The following SLC27A1 variants were observed in gnomAD, a reference collection of about 807,000 sequenced individuals.
SLC27A1 encodes solute carrier family 27 member 1.
Under a neutral mutation model 62.2 loss-of-function variants are expected in SLC27A1, and 61 were observed. That is an observed-to-expected ratio of 0.98 (90% CI 0.80 to 1.21). The LOEUF is 1.21. SLC27A1 is among the 50% of genes most tolerant of loss of function. SLC27A1 has a pLI of 0.00. For synonymous variants in SLC27A1, 435 were observed against 408.6 expected (o/e 1.06, Z -0.78); for missense variants, 903 against 932.1 (o/e 0.97, Z 0.41).
At chr19:17,501,610 C>T (rs993085238) in intron 11 of SLC27A1, among the ~76,000 whole-genome samples, 191 bp downstream of exon 11, 9 of 151,722 alleles carry the variant, frequency 5.9e-5, no homozygotes, top group African/African-American at 1.9e-4. Context: ...GAGAGCATCC[C>T]GGCTAACACA....
chr19:17,504,998 A>C lies in SLC27A1; in HGVS notation c.*386A>C. The C allele has an allele frequency of 1.1e-5, 4 of 378,232 alleles. No individual in the cohort carries two copies. The highest frequency in any genetic ancestry group is 1.6e-5 in the Non-Finnish European group (3 of 192,900). 23.4% of individuals were successfully genotyped at this position (378,232 alleles called of 1,614,324 possible). A position where few individuals can be genotyped will look rare whatever the true frequency, so the allele number is the denominator to read the frequency against. ...ACCTCTGCCTCCTGGGGTTCAAGTGATCCTCCCACCTCAGCCTCCTGAGTA... is the reference window on the plus strand; with the variant it reads ...ACCTCTGCCTCCTGGGGTTCAAGTGCTCCTCCCACCTCAGCCTCCTGAGTA... On this transcript the variant is annotated 3_prime_UTR_variant, in exon 12 of 12. Transcript: ENST00000252595.
Position 17,504,569 on chromosome 19 carries a change from A to C in SLC27A1, c.1898A>C (p.Glu633Ala). Residue 633 changes from glutamate (E) to alanine (A), a missense_variant, in exon 12 of 12, where the codon GAG becomes GCG. Physicochemically the swap from Glu to Ala is moderately radical, Grantham distance 107. Coordinates refer to ENST00000252595, the MANE Select transcript of SLC27A1 (RefSeq NM_198580.3). ...CAGGGCCACTACCTGCCCTTAAATG[A>C]GGCAGTCTACACTCGCATCTGCTCG... ...LKQGHYLPLN[E>A]AVYTRICSGA... The C allele has an allele frequency of 1.9e-6, 3 of 1,614,098 alleles. No homozygotes were observed. The highest frequency in any genetic ancestry group is 2.5e-6 in the Non-Finnish European group (3 of 1,180,020).
Position 17,471,782 on chromosome 19 carries a change from GC to G in SLC27A1, c.167+1080del, listed in dbSNP as rs564017285. On this transcript the variant is annotated intron_variant, in intron 1 of 11. Coordinates refer to ENST00000252595, the MANE Select transcript of SLC27A1 (RefSeq NM_198580.3). ...CCCCTTCTGCATGCCATGGCCCCCT[GC>G]CCCCGGCTCCTTGGTTGTTCTGATG... 6.6e-5 allele frequency among the ~76,000 whole-genome samples: 10 copies of G among 152,224 alleles called. No individual in the cohort carries two copies. In the East Asian group the frequency reaches 1.9e-3, roughly 29 times the overall value.
intron 11 of SLC27A1, among the ~76,000 whole-genome samples, chr19:17,504,052 T>C (rs1184258342): frequency 1.3e-5 from 2 of 151,546 alleles, no homozygotes; most frequent in Non-Finnish European, 2.9e-5. Flanking sequence ...CCCAAAGTAC[T>C]GAGATTATAG....
chr19:17,491,838 T>A (rs2075296773), intron 6 of SLC27A1, among the ~76,000 whole-genome samples: 1 of 151,864 alleles, frequency 6.6e-6, no homozygotes, highest in Non-Finnish European at 1.5e-5. Context: ...TGTGCCAGTG[T>A]ACTCTAGCCT....
At chr19:17,488,628 T>G in intron 4 of SLC27A1, 1 of 593,586 alleles carries the variant, frequency 1.7e-6, no homozygotes, top group African/African-American at 1.9e-5. Flanking sequence ...CCTGGCTGCA[T>G]TACCATCAGC....
intron 7 of SLC27A1, chr19:17,497,695 A>G (rs2075365811): frequency 3.4e-6 from 2 of 587,924 alleles, no homozygotes; most frequent in African/African-American, 1.9e-5. Flanking sequence ...TTGGGTCAGG[A>G]GAGTTGGAGG....
At chr19:17,470,442 G>C (rs994196417), upstream of SLC27A1, 30 of 1,328,760 alleles carry the variant, frequency 2.3e-5, no homozygotes, top group African/African-American at 4.5e-4. Flanking sequence ...AGGCCTGGGG[G>C]CGCGGCTCGC....
chr19:17,494,580 G>A (rs1254816087), intron 6 of SLC27A1, among the ~76,000 whole-genome samples: 1 of 151,928 alleles, frequency 6.6e-6, no homozygotes, highest in Non-Finnish European at 1.5e-5. Context: ...ACCCACCTTG[G>A]CCTCCGAAAG....
At position 17,477,251 on chromosome 19, in the gene SLC27A1, T is replaced by G. The variant is rs1175395043; in HGVS notation, c.167+6544T>G. On this transcript the variant is annotated intron_variant, in intron 1 of 11. Transcript: ENST00000252595. ...ATGGATGAGCAGCGCTTTTTTTTTT[T>G]TTTTTTTTTTTTTGAGACTGAATCT... Among the ~76,000 whole-genome samples the G allele has an allele frequency of 3.4e-4, 46 of 133,986 alleles. 2 individuals are homozygous for G. In the East Asian group the frequency reaches 9.1e-3, roughly 27 times the overall value. The allele number at this position is 133,986 out of a possible 152,430, so 87.9% of individuals were successfully genotyped here.
At chr19:17,482,128 C>G (rs1213024296) in intron 1 of SLC27A1, among the ~76,000 whole-genome samples, 1 of 152,190 alleles carries the variant, frequency 6.6e-6, no homozygotes, top group African/African-American at 2.4e-5. Context: ...CTCTCTGGTA[C>G]TAGAATGTAA....
At position 17,504,546 on chromosome 19, in the gene SLC27A1, G is replaced by A. The variant is rs1250851119; in HGVS notation, c.1875G>A (p.Gln625=). 6.2e-7 allele frequency: 1 copy of A among 1,614,076 alleles called. No individual in the cohort carries two copies. The highest frequency in any genetic ancestry group is 1.7e-5 in the Admixed American group (1 of 59,988). Residue 625 remains glutamine, a synonymous_variant, in exon 12 of 12, where the codon CAG becomes CAA. Transcript: ENST00000252595. ...SDRLFFLDLK[Q]GHYLPLNEAV... ...GGCTCTTCTTCCTGGACCTGAAGCA[G>A]GGCCACTACCTGCCCTTAAATGAGG... is the stretch of plus-strand genomic sequence containing the variant.
intron 11 of SLC27A1, among the ~76,000 whole-genome samples, chr19:17,502,232 C>T (rs181377303): frequency 6.6e-6 from 1 of 152,058 alleles, no homozygotes; most frequent in Admixed American, 6.6e-5. Flanking sequence ...GGCTCACAGC[C>T]AGCTAGCACT....
chr19:17,473,315 G>T (rs1481586017), intron 1 of SLC27A1, among the ~76,000 whole-genome samples: 1 of 152,204 alleles, frequency 6.6e-6, no homozygotes, highest in African/African-American at 2.4e-5. Flanking sequence ...GTCATCGATC[G>T]AGATTTCACC....
At chr19:17,473,246 C>T (rs1264679055) in intron 1 of SLC27A1, among the ~76,000 whole-genome samples, 8 of 152,178 alleles carry the variant, frequency 5.3e-5, no homozygotes, top group Non-Finnish European at 1.0e-4. Context: ...ATATTGTCTA[C>T]TTGACTTTCA....
chr19:17,481,988 C>A (rs12983319), intron 1 of SLC27A1, among the ~76,000 whole-genome samples: 41,787 of 151,922 alleles, frequency 0.28, 7,226 homozygotes, highest in Non-Finnish European at 0.39. Flanking sequence ...GGTGGCTGCT[C>A]TCTCCCTAGG....
upstream of SLC27A1, chr19:17,470,430 C>G (rs1599633919): frequency 7.8e-7 from 1 of 1,276,940 alleles, no homozygotes; most frequent in Non-Finnish European, 1.0e-6. Context: ...GGCGCAGAGC[C>G]GAGGCCTGGG....
Position 17,500,820 on chromosome 19 carries a change from T to A in SLC27A1, c.1580T>A (p.Val527Glu), listed in dbSNP as rs1225641387. ...ENVSTTEVEG[V>E]LSRLLGQTDV... ...GTCTCCACCACCGAGGTGGAGGGCGTGCTGAGCCGCCTGCTGGGCCAGACA... is the reference window on the plus strand; with the variant it reads ...GTCTCCACCACCGAGGTGGAGGGCGAGCTGAGCCGCCTGCTGGGCCAGACA... The change falls in exon 10 of 12, where the codon GTG becomes GAG. Residue 527 changes from valine to glutamate, a missense_variant. By Grantham distance (121) the Val-to-Glu change is moderately radical. Coordinates refer to ENST00000252595, the MANE Select transcript of SLC27A1 (RefSeq NM_198580.3). 6.2e-7 allele frequency: 1 copy of A among 1,611,122 alleles called. No homozygotes were observed. Among genetic ancestry groups the A allele is most frequent in the South Asian group, 1.1e-5 (1 of 90,912 alleles).
rs369512760 is a variant in SLC27A1 at position 17,500,614 on chromosome 19, G to A, written c.1453G>A (p.Asp485Asn). The change falls in exon 9 of 12, where the codon GAC (aspartate) becomes AAC (asparagine). Residue 485 changes from aspartate (D) to asparagine (N), a missense_variant. Coordinates refer to ENST00000252595, the MANE Select transcript of SLC27A1 (RefSeq NM_198580.3). ...CGCCCACAGCGTCTTCAGCAAGGGC[G>A]ACAGCGCCTACCTCTCAGGTGCGCA... The part of the protein sequence containing the change: ...KIAHSVFSKG[D>N]SAYLSGDVLV... 4.0e-5 allele frequency: 65 copies of A among 1,613,650 alleles called. 1 individual carries two copies. Among genetic ancestry groups the A allele is most frequent in the Middle Eastern group, 1.6e-4 (1 of 6,084 alleles).
Sources: allele counts gnomAD v4.1 joint callset (sites outside exome capture counted in the v4.1 genomes callset), GRCh38; gene constraint gnomAD v4.1.1; transcripts MANE v1.5; gene names NCBI Gene and HGNC (gene_info 2026-07-23, HGNC 2026-07-21).